Variants in HEATR5B observed in about 807,000 individuals in gnomAD.
HEATR5B encodes the protein HEAT repeat-containing protein 5B.
Under a neutral mutation model 224.1 loss-of-function variants are expected in HEATR5B, and 156 were observed. That is an observed-to-expected ratio of 0.70 (90% CI 0.61 to 0.80). HEATR5B has a LOEUF of 0.80. Ranked by LOEUF, HEATR5B falls within the 30% of genes least tolerant of loss-of-function variation. The pLI is 0.00. For missense variants in HEATR5B, 2,323 were observed against 2,535.5 expected (o/e 0.92, Z 1.80); for synonymous variants, 1,027 against 893.0 (o/e 1.15, Z -2.68).
Position 37,028,851 on chromosome 2 carries a change from ATAT to A in HEATR5B, c.3428_3430del (p.Asn1143del), listed in dbSNP as rs777186417. Reference sequence around the variant, plus strand: ...AAGTCCCTCAAGACCAGTTTCTGTTATATTAACACCTTGGTGCCGGCAATGGAT... The same window carrying A: ...AAGTCCCTCAAGACCAGTTTCTGTTATAACACCTTGGTGCCGGCAATGGAT... On this transcript the variant is annotated inframe_deletion, in exon 23 of 36. Transcript: ENST00000233099. The A allele has an allele frequency of 4.3e-6, 7 of 1,613,942 alleles. No individual in the cohort carries two copies. Among genetic ancestry groups the A allele is most frequent in the African/African-American group, 1.3e-5 (1 of 74,928 alleles).
intron 24 of HEATR5B, among the ~76,000 whole-genome samples, chr2:37,022,664 C>G (rs985447629): frequency 6.6e-6 from 1 of 152,100 alleles, no homozygotes; most frequent in African/African-American, 2.4e-5. Context: ...TGTCAGGAAA[C>G]TTAAATCTAC....
chr2:36,984,047 C>T (rs904247110), intron 35 of HEATR5B, among the ~76,000 whole-genome samples: 1 of 146,896 alleles, frequency 6.8e-6, no homozygotes, highest in African/African-American at 2.5e-5. Context: ...AAAAATATAA[C>T]AAATTAGCTG....
chr2:37,041,664 T>C lies in HEATR5B; in HGVS notation c.2697-372A>G, dbSNP rs528678857. Among the ~76,000 whole-genome samples the C allele has an allele frequency of 1.6e-3, 246 of 152,188 alleles. 1 individual carries two copies. Among genetic ancestry groups the C allele is most frequent in the Middle Eastern group, 0.014 (4 of 294 alleles). ...GGGAGGCTGAAGTGAGAGGACTGCT[T>C]GAGCCTGACAGGTGAGGCTGCAGTG... is the stretch of plus-strand genomic sequence containing the variant. On this transcript the variant is annotated intron_variant, in intron 18 of 35. Transcript: ENST00000233099.
intron 4 of HEATR5B, chr2:37,075,976 A>T (rs1672205077): frequency 6.4e-6 from 1 of 156,846 alleles, no homozygotes. Context: ...AATATTAAGT[A>T]AAAAAGTTGA....
chr2:37,000,171 G>A lies in HEATR5B; in HGVS notation c.5545+415C>T, dbSNP rs552069698. The stretch of plus-strand genomic sequence containing the variant: ...TGGCTCACCGCAACCTCCACCTCCC[G>A]GGTTCAAGCAATTCTCCTGCCTCAG... On this transcript the variant is annotated intron_variant, in intron 33 of 35. Transcript: ENST00000233099. Among the ~76,000 whole-genome samples the A allele has an allele frequency of 4.0e-5, 6 of 151,790 alleles. No homozygotes were observed. The South Asian group carries it at 8.3e-4, about 21-fold the overall frequency.
At chr2:37,073,548 C>T (rs575125129) in intron 5 of HEATR5B, among the ~76,000 whole-genome samples, 8 of 151,698 alleles carry the variant, frequency 5.3e-5, no homozygotes, top group South Asian at 2.1e-4. Flanking sequence ...CCAGCCTGGA[C>T]GTTGACATTG....
At chr2:37,028,968 G>C in intron 22 of HEATR5B, 48 bp from the exon 23 acceptor site, 1 of 1,572,038 alleles carries the variant, frequency 6.4e-7, no homozygotes, top group Non-Finnish European at 8.7e-7. Context: ...TTTGGTGTAC[G>C]CTATAGGTAA....
At chr2:37,030,007 A>G (rs762423865) in intron 22 of HEATR5B, among the ~76,000 whole-genome samples, 7 of 152,172 alleles carry the variant, frequency 4.6e-5, no homozygotes, top group Non-Finnish European at 7.4e-5. Flanking sequence ...AACAACAACC[A>G]AAAAGCAATG....
At chr2:37,036,289 T>C (rs907235991) in intron 21 of HEATR5B, among the ~76,000 whole-genome samples, 1 of 152,166 alleles carries the variant, frequency 6.6e-6, no homozygotes, top group Non-Finnish European at 1.5e-5. Context: ...TGTCACCTGG[T>C]TAGTTGTCCA....
intron 21 of HEATR5B, among the ~76,000 whole-genome samples, chr2:37,037,602 C>A (rs1292687256): frequency 6.6e-6 from 1 of 151,846 alleles, no homozygotes; most frequent in African/African-American, 2.4e-5. Flanking sequence ...AAAAGGGTGA[C>A]TATAGTCAAT....
At chr2:37,050,948 G>A (rs568869813) in intron 17 of HEATR5B, among the ~76,000 whole-genome samples, 99 of 152,244 alleles carry the variant, frequency 6.5e-4, no homozygotes, top group Admixed American at 1.8e-3. Context: ...GACTTAGGCA[G>A]GAGAATCACT....
At position 37,003,669 on chromosome 2, in the gene HEATR5B, C is replaced by T. The variant is rs1156237478; in HGVS notation, c.4923G>A (p.Leu1641=). The change falls in exon 31 of 36, where the codon TTG becomes TTA. Residue 1641 remains leucine, a synonymous_variant. Coordinates refer to ENST00000233099, the MANE Select transcript of HEATR5B (RefSeq NM_019024.3). The part of the protein sequence containing the change: ...IAEDQLIGVE[L]LSVLHRLLLT... ...ATAGAAGGCGGTGCAAAACACTCAG[C>T]AACTCAACACCTATCAGCTAATACA... is the stretch of plus-strand genomic sequence containing the variant. 4 of 1,604,516 alleles carry T rather than the reference C, an allele frequency of 2.5e-6. No homozygotes were observed. In the Admixed American group the frequency reaches 6.9e-5, roughly 28 times the overall value.
intron 3 of HEATR5B, among the ~76,000 whole-genome samples, chr2:37,078,362 C>T (rs550155907): frequency 3.0e-4 from 46 of 152,234 alleles, no homozygotes; most frequent in African/African-American, 9.6e-4. Flanking sequence ...CATCACATGC[C>T]GGCATACATT....
chr2:37,066,347 A>G (rs1671588152), intron 8 of HEATR5B, among the ~76,000 whole-genome samples: 1 of 152,232 alleles, frequency 6.6e-6, no homozygotes, highest in Admixed American at 6.5e-5. Context: ...TGGTGATTAA[A>G]AAGTCAGTGC....
intron 16 of HEATR5B, among the ~76,000 whole-genome samples, chr2:37,056,216 C>T (rs375897023): frequency 6.3e-4 from 96 of 151,972 alleles, no homozygotes; most frequent in African/African-American, 2.2e-3. Context: ...ATATCAGATG[C>T]TAGTACACAG....
intron 5 of HEATR5B, among the ~76,000 whole-genome samples, chr2:37,073,337 A>C (rs1203439683): frequency 6.6e-6 from 1 of 152,244 alleles, no homozygotes; most frequent in Non-Finnish European, 1.5e-5. Context: ...CAAACTAAAA[A>C]AGAAAAATCA....
rs1232732730 is a variant in HEATR5B at position 37,016,784 on chromosome 2, ATTTATGTCAAATTTT to A, written c.4105-2779_4105-2765del. Among the ~76,000 whole-genome samples the A allele has an allele frequency of 3.8e-3, 583 of 152,316 alleles. 2 individuals are homozygous for A. The highest frequency in any genetic ancestry group is 0.013 in the African/African-American group (560 of 41,554). On this transcript the variant is annotated intron_variant, in intron 26 of 35. Coordinates refer to ENST00000233099, the MANE Select transcript of HEATR5B (RefSeq NM_019024.3). ...AACGTTTTAAAAGTGGAGAATAAGT[ATTTATGTCAAATTTT>A]ATTCTCAAAGAATTCAAAACTAATT...
intron 8 of HEATR5B, among the ~76,000 whole-genome samples, chr2:37,068,234 G>A (rs1160885946): frequency 6.6e-6 from 1 of 152,028 alleles, no homozygotes; most frequent in Non-Finnish European, 1.5e-5. Flanking sequence ...GTATAACTGA[G>A]GTTTCACAGT....
At chr2:37,041,110 T>TA (rs1366822221) in intron 19 of HEATR5B, 23 bp downstream of exon 19, 3 of 1,581,424 alleles carry the variant, frequency 1.9e-6, no homozygotes, top group Non-Finnish European at 2.6e-6. Context: ...ACTTTTGTAA[T>TA]AAAAAAACCA....
Sources: gnomAD v4.1 joint callset for allele counts (sites outside exome capture counted in the v4.1 genomes callset) on GRCh38, gnomAD v4.1.1 for gene constraint, MANE v1.5 for transcripts, NCBI Gene and HGNC (gene_info 2026-07-23, HGNC 2026-07-21) for gene names.